Variants in LRP1B observed in about 807,000 individuals in gnomAD.
LRP1B encodes the protein low-density lipoprotein receptor-related protein 1B.
In LRP1B, 217 loss-of-function variants were observed where a neutral mutation model predicts 556.6. That is an observed-to-expected ratio of 0.39 (90% CI 0.35 to 0.44). The LOEUF (loss-of-function observed/expected upper bound fraction) is 0.44, where lower values mean the gene tolerates loss of function less well. Among genes scored for constraint, LRP1B ranks in the 20% least tolerant of loss-of-function variants. The pLI, the probability that LRP1B is intolerant of heterozygous loss-of-function variation, is 1.00. For synonymous variants in LRP1B, 2,047 were observed against 1,865.8 expected (o/e 1.10, Z -2.50); for missense variants, 5,053 against 5,620.8 (o/e 0.90, Z 3.23).
chr2:140,608,767 C>T (rs765587512), intron 41 of LRP1B, among the ~76,000 whole-genome samples: 2 of 152,152 alleles, frequency 1.3e-5, no homozygotes, highest in Non-Finnish European at 2.9e-5. Flanking sequence ...AAACAATTTG[C>T]CCTGAAAGAG....
chr2:141,734,286 T>G (rs550135405), intron 2 of LRP1B, among the ~76,000 whole-genome samples: 2 of 152,064 alleles, frequency 1.3e-5, no homozygotes, highest in Non-Finnish European at 2.9e-5. Context: ...AAATAAACAC[T>G]AACAAGAATA....
chr2:142,060,333 A>G (rs1359482285), intron 1 of LRP1B, among the ~76,000 whole-genome samples: 1 of 152,018 alleles, frequency 6.6e-6, no homozygotes, highest in Non-Finnish European at 1.5e-5. Context: ...AAGGTGCTCC[A>G]TTAGGGTTGT....
At chr2:142,046,288 G>T (rs1704257174) in intron 1 of LRP1B, among the ~76,000 whole-genome samples, 1 of 151,946 alleles carries the variant, frequency 6.6e-6, no homozygotes, top group Admixed American at 6.6e-5. Context: ...AGAGAAGAGT[G>T]AAAGGACTTT....
chr2:141,149,534 A>G (rs1701869002), intron 7 of LRP1B, among the ~76,000 whole-genome samples: 2 of 152,110 alleles, frequency 1.3e-5, no homozygotes, highest in African/African-American at 4.8e-5. Context: ...TTGTATTTCT[A>G]TTCTACAACT....
intron 32 of LRP1B, among the ~76,000 whole-genome samples, chr2:140,799,971 A>G (rs1051456537): frequency 1.3e-5 from 2 of 152,152 alleles, no homozygotes; most frequent in African/African-American, 4.8e-5. Flanking sequence ...TGCCTCAGCC[A>G]GGAAACTCAA....
At chr2:141,707,171 G>A (rs1692173513) in intron 2 of LRP1B, among the ~76,000 whole-genome samples, 1 of 152,048 alleles carries the variant, frequency 6.6e-6, no homozygotes, top group East Asian at 1.9e-4. Context: ...TTACCTTCTG[G>A]AATGTGTGAC....
intron 2 of LRP1B, among the ~76,000 whole-genome samples, chr2:141,668,403 C>A (rs1345805673): frequency 6.6e-6 from 1 of 152,118 alleles, no homozygotes; most frequent in Admixed American, 6.5e-5. Flanking sequence ...TTTTGGCCCA[C>A]CACACCCCCC....
intron 1 of LRP1B, among the ~76,000 whole-genome samples, chr2:141,853,681 G>T (rs1364370046): frequency 6.6e-6 from 1 of 151,734 alleles, no homozygotes; most frequent in African/African-American, 2.4e-5. Context: ...TTACATCATT[G>T]TCAAATGAAC....
At chr2:141,314,812 A>T (rs1237962630) in intron 3 of LRP1B, among the ~76,000 whole-genome samples, 107 of 130,490 alleles carry the variant, frequency 8.2e-4, no homozygotes, top group African/African-American at 2.9e-3. Context: ...AAAAAAATTT[A>T]TATATATATA....
chr2:141,309,616 G>T (rs1391282096), intron 3 of LRP1B, among the ~76,000 whole-genome samples: 1 of 152,122 alleles, frequency 6.6e-6, no homozygotes, highest in African/African-American at 2.4e-5. Flanking sequence ...GATAGTTCTA[G>T]AAAACCAAAC....
At chr2:142,056,109 C>A (rs1364732791) in intron 1 of LRP1B, among the ~76,000 whole-genome samples, 2 of 152,070 alleles carry the variant, frequency 1.3e-5, no homozygotes, top group Non-Finnish European at 2.9e-5. Flanking sequence ...CGAGACTGCG[C>A]CACTGCACTC....
At chr2:142,122,850 T>C (rs1416766441) in intron 1 of LRP1B, among the ~76,000 whole-genome samples, 1 of 152,076 alleles carries the variant, frequency 6.6e-6, no homozygotes, top group African/African-American at 2.4e-5. Flanking sequence ...TCTAACATTT[T>C]TGTCCCAATA....
intron 2 of LRP1B, among the ~76,000 whole-genome samples, chr2:141,488,351 A>G (rs1683192402): frequency 6.6e-6 from 1 of 152,154 alleles, no homozygotes; most frequent in African/African-American, 2.4e-5. Flanking sequence ...AATTAAAATT[A>G]TGCAGTTTTG....
At chr2:141,467,814 T>TTTGC (rs1266410747) in intron 3 of LRP1B, among the ~76,000 whole-genome samples, 1 of 28,620 alleles carries the variant, frequency 3.5e-5, no homozygotes, top group African/African-American at 8.4e-5. Context: ...TGTTTGTTTG[T>TTTGC]TTGTTTGTTT....
intron 3 of LRP1B, among the ~76,000 whole-genome samples, chr2:141,274,372 TA>T (rs1234893075): frequency 2.0e-5 from 3 of 151,994 alleles, no homozygotes; most frequent in Non-Finnish European, 4.4e-5. Flanking sequence ...CATTTGGCAA[TA>T]AAAAAGAATA....
At chr2:140,842,653 C>A (rs1692146017) in intron 29 of LRP1B, among the ~76,000 whole-genome samples, 1 of 151,902 alleles carries the variant, frequency 6.6e-6, no homozygotes, top group Non-Finnish European at 1.5e-5. Flanking sequence ...TAAAGTTAAA[C>A]CTGCCACGTC....
At chr2:141,758,951 G>A (rs1394807652) in intron 2 of LRP1B, among the ~76,000 whole-genome samples, 3 of 152,050 alleles carry the variant, frequency 2.0e-5, no homozygotes, top group Admixed American at 6.5e-5. Flanking sequence ...TGTTCAAATA[G>A]TAAGATTTAA....
At position 140,513,011 on chromosome 2, in the gene LRP1B, T is replaced by G. The variant is rs115743844; in HGVS notation, c.8269+1642A>C. 2.5e-3 allele frequency among the ~76,000 whole-genome samples: 386 copies of G among 152,230 alleles called. 4 individuals are homozygous for G. Among genetic ancestry groups the G allele is most frequent in the African/African-American group, 9.0e-3 (376 of 41,570 alleles). ...TTGATTGCAGGTAAACATGTCCATTTTCTTATTAGTCTTTAATAAAAAAGC... is the reference window on the plus strand; with the variant it reads ...TTGATTGCAGGTAAACATGTCCATTGTCTTATTAGTCTTTAATAAAAAAGC... On this transcript the variant is annotated intron_variant, in intron 51 of 90. Transcript: ENST00000389484.
intron 2 of LRP1B, among the ~76,000 whole-genome samples, chr2:141,708,296 A>G (rs1043786731): frequency 7.2e-5 from 11 of 152,224 alleles, no homozygotes; most frequent in African/African-American, 1.4e-4. Flanking sequence ...TAATGATATC[A>G]AAGGGGTGAT....
Sources: gnomAD v4.1 joint callset for allele counts (sites outside exome capture counted in the v4.1 genomes callset) on GRCh38, gnomAD v4.1.1 for gene constraint, MANE v1.5 for transcripts, NCBI Gene and HGNC (gene_info 2026-07-23, HGNC 2026-07-21) for gene names.